SNTG1: variants seen among roughly 807,000 people sequenced by gnomAD.
SNTG1 encodes gamma-1-syntrophin.
A neutral mutation model predicts 74.7 loss-of-function variants in SNTG1; 39 were observed. That is an observed-to-expected ratio of 0.52 (90% CI 0.40 to 0.68). SNTG1 has a LOEUF of 0.68. Among genes scored for constraint, SNTG1 ranks in the 30% least tolerant of loss-of-function variants. SNTG1 has a pLI of 0.00. For missense variants in SNTG1, 685 were observed against 609.5 expected (o/e 1.12, Z -1.30); for synonymous variants, 254 against 217.1 (o/e 1.17, Z -1.49).
At chr8:50,744,388 A>G (rs181082916) in intron 17 of SNTG1, among the ~76,000 whole-genome samples, 1 of 152,156 alleles carries the variant, frequency 6.6e-6, no homozygotes, top group Admixed American at 6.6e-5. Flanking sequence ...AGTAGGTGAA[A>G]GTCTTGTATA....
chr8:50,378,650 G>A (rs2092429593), intron 2 of SNTG1, among the ~76,000 whole-genome samples: 1 of 151,980 alleles, frequency 6.6e-6, no homozygotes, highest in African/African-American at 2.4e-5. Context: ...TCAGCTCTTA[G>A]CAGAGAAGGT....
intron 2 of SNTG1, among the ~76,000 whole-genome samples, chr8:50,364,226 C>T (rs1391740668): frequency 2.0e-5 from 3 of 152,260 alleles, no homozygotes; most frequent in Non-Finnish European, 2.9e-5. Flanking sequence ...AAGCCACACC[C>T]GCTGCTTAGA....
chr8:50,663,565 G>A (rs1488683712), intron 15 of SNTG1, among the ~76,000 whole-genome samples: 7 of 152,056 alleles, frequency 4.6e-5, no homozygotes, highest in Admixed American at 6.6e-5. Context: ...GGTTTGACTC[G>A]TTTTGCTCTG....
chr8:50,015,835 A>G (rs1816256820), intron 1 of SNTG1, among the ~76,000 whole-genome samples: 1 of 152,108 alleles, frequency 6.6e-6, no homozygotes, highest in Non-Finnish European at 1.5e-5. Context: ...CTGCAAAAAA[A>G]TGGTTGGGCT....
At chr8:50,146,759 G>A (rs2081884525) in intron 1 of SNTG1, among the ~76,000 whole-genome samples, 1 of 152,124 alleles carries the variant, frequency 6.6e-6, no homozygotes, top group South Asian at 2.1e-4. Context: ...TTATGTAGTG[G>A]CCTTTCAATG....
intron 12 of SNTG1, among the ~76,000 whole-genome samples, chr8:50,588,005 A>G (rs1480200960): frequency 6.6e-6 from 1 of 150,688 alleles, no homozygotes; most frequent in Non-Finnish European, 1.5e-5. Flanking sequence ...CTATAGTCCC[A>G]GCTACTCAAC....
chr8:50,360,457 G>GATA (rs2091927118), intron 2 of SNTG1, among the ~76,000 whole-genome samples: 4 of 152,126 alleles, frequency 2.6e-5, no homozygotes, highest in Non-Finnish European at 5.9e-5. Context: ...GTGTGGGTGG[G>GATA]TTATCACTAA....
chr8:49,945,778 G>A (rs1809126824), intron 1 of SNTG1, among the ~76,000 whole-genome samples: 1 of 152,152 alleles, frequency 6.6e-6, no homozygotes, highest in Non-Finnish European at 1.5e-5. Context: ...AGGTCTACCT[G>A]TCAAAGCACA....
At chr8:50,324,716 G>T (rs11773993) in intron 2 of SNTG1, among the ~76,000 whole-genome samples, 1 of 151,620 alleles carries the variant, frequency 6.6e-6, no homozygotes, top group Non-Finnish European at 1.5e-5. Flanking sequence ...TCATTTCCTT[G>T]AGAGTGTCAA....
Position 50,057,610 on chromosome 8 carries a change from G to A in SNTG1, c.-102-114951G>A, listed in dbSNP as rs1484792881. ...AATGGAGGTGATATGTCATGGTTAA[G>A]GACTGCTTTAAGGATTAAATTCATA... is the stretch of plus-strand genomic sequence containing the variant. On this transcript the variant is annotated intron_variant, in intron 1 of 18. Coordinates refer to ENST00000642720, the MANE Select transcript of SNTG1 (RefSeq NM_018967.5). Among the ~76,000 whole-genome samples the A allele has an allele frequency of 2.0e-5, 3 of 152,062 alleles. No individual in the cohort carries two copies. In the East Asian group the frequency reaches 5.8e-4, roughly 29 times the overall value.
At chr8:50,721,712 A>G (rs1361895756) in intron 17 of SNTG1, among the ~76,000 whole-genome samples, 1 of 152,188 alleles carries the variant, frequency 6.6e-6, no homozygotes, top group Non-Finnish European at 1.5e-5. Flanking sequence ...TGTGATTTCT[A>G]CTTCTTAGCT....
chr8:50,052,613 G>A (rs550928389), intron 1 of SNTG1, among the ~76,000 whole-genome samples: 8 of 151,948 alleles, frequency 5.3e-5, no homozygotes, highest in African/African-American at 1.9e-4. Context: ...TTACCCCAGT[G>A]GACACTATTA....
intron 2 of SNTG1, among the ~76,000 whole-genome samples, chr8:50,303,919 CT>C (rs2089764125): frequency 1.4e-5 from 2 of 139,812 alleles, no homozygotes; most frequent in Non-Finnish European, 3.2e-5. Flanking sequence ...CTGCTTTCTT[CT>C]ATTTCTGCTA....
chr8:50,671,385 A>G (rs2095281745), intron 15 of SNTG1, among the ~76,000 whole-genome samples: 1 of 151,892 alleles, frequency 6.6e-6, no homozygotes, highest in Non-Finnish European at 1.5e-5. Flanking sequence ...TGGGCGAAGG[A>G]CATGAACAGA....
At chr8:50,404,637 T>A (rs77621855) in intron 4 of SNTG1, among the ~76,000 whole-genome samples, 1 of 152,036 alleles carries the variant, frequency 6.6e-6, no homozygotes, top group African/African-American at 2.4e-5. Flanking sequence ...TTTTTTTTTT[T>A]AACTGTGGTA....
chr8:50,103,155 T>A (rs998015480), intron 1 of SNTG1, among the ~76,000 whole-genome samples: 1 of 152,210 alleles, frequency 6.6e-6, no homozygotes, highest in African/African-American at 2.4e-5. Context: ...TTGGGCCGTA[T>A]GGCCATTTTC....
At chr8:50,682,373 G>A (rs2095334817) in intron 15 of SNTG1, among the ~76,000 whole-genome samples, 1 of 151,984 alleles carries the variant, frequency 6.6e-6, no homozygotes, top group Non-Finnish European at 1.5e-5. Context: ...AGGTGACTCA[G>A]GATGATTCAG....
intron 1 of SNTG1, among the ~76,000 whole-genome samples, chr8:50,115,456 C>T (rs1437236987): frequency 6.6e-6 from 1 of 150,714 alleles, no homozygotes; most frequent in African/African-American, 2.4e-5. Context: ...ATCTCAGCTA[C>T]TGGGGTGGCT....
At chr8:50,266,674 G>GTATATA (rs1390382487) in intron 2 of SNTG1, among the ~76,000 whole-genome samples, 2 of 138,034 alleles carry the variant, frequency 1.4e-5, no homozygotes, top group African/African-American at 5.5e-5. Context: ...GTGTGTGTGT[G>GTATATA]TGTGTGTGTG....
Sources: gnomAD v4.1 joint callset for allele counts (sites outside exome capture counted in the v4.1 genomes callset) on GRCh38, gnomAD v4.1.1 for gene constraint, MANE v1.5 for transcripts, NCBI Gene and HGNC (gene_info 2026-07-23, HGNC 2026-07-21) for gene names.